CADM1: variants seen among roughly 807,000 people sequenced by gnomAD.
The protein encoded by CADM1 is TSLC-1.
CADM1 carries 15 observed loss-of-function variants against 53.1 expected under a neutral mutation model. The observed-to-expected ratio is 0.28, with a 90% CI of 0.19 to 0.44. The LOEUF is 0.44. CADM1 is among the 20% of genes least tolerant of loss of function. The probability of loss-of-function intolerance (pLI) is 1.00; values close to 1 mark genes in which losing one functional copy is unlikely to be tolerated. For missense variants in CADM1, 434 were observed against 611.3 expected, an observed-to-expected ratio of 0.71 and a Z score of 3.06; for synonymous variants, 281 against 243.0, an observed-to-expected ratio of 1.16 and a Z score of -1.45.
chr11:115,378,297 C>T (rs1946489572), intron 1 of CADM1, among the ~76,000 whole-genome samples: 1 of 152,046 alleles, frequency 6.6e-6, no homozygotes, highest in Non-Finnish European at 1.5e-5. Flanking sequence ...TCAATTCCGC[C>T]ACCTTGTCTG....
At chr11:115,418,737 C>A (rs1947676591) in intron 1 of CADM1, among the ~76,000 whole-genome samples, 1 of 152,140 alleles carries the variant, frequency 6.6e-6, no homozygotes, top group African/African-American at 2.4e-5. Context: ...CTCCATTACA[C>A]CCAAGCCAAG....
intron 1 of CADM1, among the ~76,000 whole-genome samples, chr11:115,289,637 C>T (rs1943831781): frequency 6.8e-6 from 1 of 146,784 alleles, no homozygotes; most frequent in South Asian, 2.2e-4. Flanking sequence ...GCTCTGTCGC[C>T]CAGGCTGGAG....
intron 9 of CADM1, among the ~76,000 whole-genome samples, chr11:115,196,525 C>G (rs1267147149): frequency 6.9e-6 from 1 of 144,166 alleles, no homozygotes; most frequent in African/African-American, 2.6e-5. Flanking sequence ...TTTAGCTTCC[C>G]TGGACCACAT....
At chr11:115,198,875 C>T (rs891853333) in intron 8 of CADM1, among the ~76,000 whole-genome samples, 7 of 152,190 alleles carry the variant, frequency 4.6e-5, no homozygotes, top group Admixed American at 3.9e-4. Context: ...TTTGTTTTAA[C>T]CCAACCCACC....
In CADM1 at chr11:115,169,321, T is replaced by C. The variant is rs540720353; in HGVS notation, c.*7153A>G. On this transcript the variant is annotated 3_prime_UTR_variant, in exon 12 of 12. Transcript: ENST00000331581. Reference sequence around the variant, plus strand: ...TAACGTGACTCAAGGCCCTTCTCGATGCATTGGTGTCTCTGCAAGGAAATC... The same window carrying C: ...TAACGTGACTCAAGGCCCTTCTCGACGCATTGGTGTCTCTGCAAGGAAATC... 2 of 249,968 alleles carry C rather than the reference T, an allele frequency of 8.0e-6. No homozygotes were observed. The highest frequency in any genetic ancestry group is 4.5e-5 in the African/African-American group (2 of 44,362). 15.5% of individuals were successfully genotyped at this position (249,968 alleles called of 1,614,324 possible).
At chr11:115,501,049 C>T (rs576319808) in intron 1 of CADM1, among the ~76,000 whole-genome samples, 36 of 152,300 alleles carry the variant, frequency 2.4e-4, no homozygotes, top group African/African-American at 8.4e-4. Flanking sequence ...GAACTGCCTG[C>T]TCTTTTATTC....
At chr11:115,239,350 C>T (rs1048979756) in intron 2 of CADM1, among the ~76,000 whole-genome samples, 1 of 152,136 alleles carries the variant, frequency 6.6e-6, no homozygotes, top group Non-Finnish European at 1.5e-5. Context: ...TTAAACTGGT[C>T]CTGTGGTTTC....
chr11:115,483,824 G>A (rs1177826811), intron 1 of CADM1, among the ~76,000 whole-genome samples: 1 of 152,146 alleles, frequency 6.6e-6, no homozygotes, highest in Non-Finnish European at 1.5e-5. Context: ...AGTCACACTA[G>A]CCACATTTCA....
chr11:115,270,374 A>G (rs1368421758), intron 1 of CADM1, among the ~76,000 whole-genome samples: 2 of 152,210 alleles, frequency 1.3e-5, no homozygotes, highest in Non-Finnish European at 2.9e-5. Context: ...TCAGCCCTCA[A>G]TCTGCTACTG....
intron 1 of CADM1, among the ~76,000 whole-genome samples, chr11:115,251,298 A>G (rs766518593): frequency 3.3e-5 from 5 of 152,112 alleles, no homozygotes; most frequent in Non-Finnish European, 5.9e-5. Flanking sequence ...CTCCTCATTC[A>G]TTTTTCCTGC....
chr11:115,299,477 C>A (rs113433979), intron 1 of CADM1, among the ~76,000 whole-genome samples: 1 of 152,030 alleles, frequency 6.6e-6, no homozygotes, highest in African/African-American at 2.4e-5. Context: ...TCAATAAATT[C>A]TAGAAATAAC....
intron 1 of CADM1, among the ~76,000 whole-genome samples, chr11:115,394,902 T>C (rs1234724850): frequency 2.0e-5 from 3 of 152,182 alleles, no homozygotes; most frequent in Non-Finnish European, 4.4e-5. Context: ...CATCCATTAT[T>C]CATTCCAAAA....
chr11:115,252,692 A>AC (rs1942644396), intron 1 of CADM1, among the ~76,000 whole-genome samples: 2 of 152,174 alleles, frequency 1.3e-5, no homozygotes, highest in African/African-American at 4.8e-5. Flanking sequence ...AAGGGTGTGA[A>AC]GGGTGCCTAG....
Position 115,340,626 on chromosome 11 carries a change from TTA to T in CADM1, c.125-100208_125-100207del, listed in dbSNP as rs869156485. ...GTGGAGTCACACAACATAATAAATA[TTA>T]TATATATATATATATATATATATAT... On this transcript the variant is annotated intron_variant, in intron 1 of 11. Coordinates refer to ENST00000331581, the MANE Select transcript of CADM1 (RefSeq NM_001301043.2). Among the ~76,000 whole-genome samples, 256 of 48,242 alleles carry T rather than the reference TTA, an allele frequency of 5.3e-3. 3 individuals carry two copies. The highest frequency in any genetic ancestry group is 0.038 in the Middle Eastern group (1 of 26). The allele number at this position is 48,242 out of a possible 152,430, so 31.6% of individuals were successfully genotyped here.
Position 115,175,775 on chromosome 11 carries a change from C to G in CADM1, c.*699G>C. 1.0e-6 allele frequency: 1 copy of G among 992,814 alleles called. No individual in the cohort carries two copies. The highest frequency in any genetic ancestry group is 1.2e-6 in the Non-Finnish European group (1 of 834,264). The allele number at this position is 992,814 out of a possible 1,614,324, so 61.5% of individuals were successfully genotyped here. A position where few individuals can be genotyped will look rare whatever the true frequency, so the allele number is the denominator to read the frequency against. On this transcript the variant is annotated 3_prime_UTR_variant, in exon 12 of 12. Coordinates refer to ENST00000331581, the MANE Select transcript of CADM1 (RefSeq NM_001301043.2). Reference sequence around the variant, plus strand: ...CCTGTACAGTAATGTAGTTCCACAGCAAACAGAACATTTTCTGAATCACAG... The same window carrying G: ...CCTGTACAGTAATGTAGTTCCACAGGAAACAGAACATTTTCTGAATCACAG...
At chr11:115,491,625 G>C (rs951640471) in intron 1 of CADM1, among the ~76,000 whole-genome samples, 3 of 152,042 alleles carry the variant, frequency 2.0e-5, no homozygotes, top group Non-Finnish European at 4.4e-5. Context: ...CTATGAACTT[G>C]GAAGGAAGAA....
intron 1 of CADM1, among the ~76,000 whole-genome samples, chr11:115,468,559 G>A (rs1297260971): frequency 1.3e-5 from 2 of 152,180 alleles, no homozygotes; most frequent in East Asian, 3.9e-4. Context: ...CTGTGTGAGT[G>A]CTGTGCATGT....
chr11:115,460,607 CTAA>C (rs1395166812), intron 1 of CADM1, among the ~76,000 whole-genome samples: 2 of 152,092 alleles, frequency 1.3e-5, no homozygotes, highest in Non-Finnish European at 2.9e-5. Context: ...AATAACAGCC[CTAA>C]TAATAACAAA....
At chr11:115,438,172 T>C (rs1369668072) in intron 1 of CADM1, among the ~76,000 whole-genome samples, 2 of 152,184 alleles carry the variant, frequency 1.3e-5, no homozygotes, top group African/African-American at 4.8e-5. Flanking sequence ...AGTCATCCAC[T>C]AAATAACAGG....
Sources: allele counts gnomAD v4.1 joint callset (sites outside exome capture counted in the v4.1 genomes callset), GRCh38; gene constraint gnomAD v4.1.1; transcripts MANE v1.5; gene names NCBI Gene and HGNC (gene_info 2026-07-23, HGNC 2026-07-21).